The following INO80E variants were observed in gnomAD, a reference collection of about 807,000 sequenced individuals.
INO80E encodes coiled-coil domain containing 95.
INO80E carries 20 observed loss-of-function variants against 27.3 expected under a neutral mutation model. The ratio of observed to expected loss-of-function variants is 0.73; its 90% confidence interval spans 0.51 to 1.06. The LOEUF is 1.06. Ranked by LOEUF, INO80E falls within the 50% of genes least tolerant of loss-of-function variation. The probability of loss-of-function intolerance (pLI) is 0.00; values close to 1 mark genes in which losing one functional copy is unlikely to be tolerated. For missense variants in INO80E, 357 were observed against 322.8 expected, an observed-to-expected ratio of 1.11 and a Z score of -0.81; for synonymous variants, 167 against 145.9, an observed-to-expected ratio of 1.14 and a Z score of -1.04.
At chr16:29,999,113 G>A (rs554110970) in intron 3 of INO80E, among the ~76,000 whole-genome samples, 3 of 152,280 alleles carry the variant, frequency 2.0e-5, no homozygotes, top group East Asian at 1.9e-4. Context: ...GTTTTAGGAC[G>A]TAGTGTTTTG....
chr16:29,996,693 C>A (rs2150920170), intron 2 of INO80E, 76 bp downstream of exon 2: 1 of 1,584,644 alleles, frequency 6.3e-7, no homozygotes, highest in East Asian at 2.2e-5. Context: ...CCGAGTAGGG[C>A]CACAAGTGCA....
rs1388637509 is a variant in INO80E at position 30,005,253 on chromosome 16, A to G, written c.546A>G (p.Gly182=). The G allele has an allele frequency of 2.8e-6, 4 of 1,424,620 alleles. No individual in the cohort carries two copies. The highest frequency in any genetic ancestry group is 3.7e-6 in the Non-Finnish European group (4 of 1,089,054). 88.2% of individuals were successfully genotyped at this position (1,424,620 alleles called of 1,614,324 possible). A position where few individuals can be genotyped will look rare whatever the true frequency, so the allele number is the denominator to read the frequency against. The change falls in exon 7 of 7, where the codon GGA becomes GGG. Residue 182 remains glycine (G), a synonymous_variant. Coordinates refer to ENST00000563197, the MANE Select transcript of INO80E (RefSeq NM_173618.3). ...TGGGACCCCCCGACTGCCCTGTGGG[A>G]GGGCCGCTGACCTTCCCTGGCCGGG... The part of the protein sequence containing the change: ...MAVGPPDCPV[G]GPLTFPGRGS...
chr16:29,996,609 G>A lies in INO80E; in HGVS notation c.144G>A (p.Arg48=), dbSNP rs2070126336. 1.3e-6 allele frequency: 2 copies of A among 1,580,336 alleles called. No homozygotes were observed. The highest frequency in any genetic ancestry group is 1.3e-5 in the African/African-American group (1 of 74,388). Residue 48 remains arginine (R), a synonymous_variant, in exon 2 of 7, where the codon CGG becomes CGA. Coordinates refer to ENST00000563197, the MANE Select transcript of INO80E (RefSeq NM_173618.3). The part of the protein sequence containing the change: ...KAQRKLLKVS[R]DKSFLLDRLL... ...AAAGGAAATTACTGAAGGTGTCCCG[G>A]GACAAGAGGTGAGGCACGTTGCAGG...
At chr16:30,004,215 C>G (rs1465044388) in intron 6 of INO80E, 1 of 152,438 alleles carries the variant, frequency 6.6e-6, no homozygotes, top group Non-Finnish European at 1.5e-5. Context: ...GCCTCCTCTG[C>G]TGGCACGTGA....
At chr16:29,997,893 C>G (rs1290986314) in intron 3 of INO80E, among the ~76,000 whole-genome samples, 3 of 151,992 alleles carry the variant, frequency 2.0e-5, no homozygotes, top group Non-Finnish European at 2.9e-5. Flanking sequence ...GCCTTCCATC[C>G]TGGGCAACAT....
In INO80E at chr16:30,003,575, C is replaced by T. The variant is rs1424944150; in HGVS notation, c.514-1646C>T. On this transcript the variant is annotated intron_variant, in intron 6 of 6. Transcript: ENST00000563197. This position sits in a 1 kb window ranked among gnomAD's most constrained non-coding sequence, Gnocchi z 4.4. ...GGACTTGGCCAGCTTTGAATCCCAGCTCTTCCAGTGCTCACCATGCGACCT... is the reference window on the plus strand; with the variant it reads ...GGACTTGGCCAGCTTTGAATCCCAGTTCTTCCAGTGCTCACCATGCGACCT... 1 of 152,244 alleles carries T rather than the reference C, an allele frequency of 6.6e-6. No homozygotes were observed. Among genetic ancestry groups the T allele is most frequent in the African/African-American group, 2.4e-5 (1 of 41,424 alleles). 9.4% of individuals were successfully genotyped at this position (152,244 alleles called of 1,614,324 possible).
intron 3 of INO80E, among the ~76,000 whole-genome samples, chr16:29,997,708 C>T (rs191164157): frequency 6.6e-6 from 1 of 150,566 alleles, no homozygotes; most frequent in Non-Finnish European, 1.5e-5. Context: ...GAGCCGAGAT[C>T]GCTGCCACTG....
At chr16:30,004,470 A>T (rs1481405030) in intron 6 of INO80E, 3 of 152,894 alleles carry the variant, frequency 2.0e-5, no homozygotes, top group Non-Finnish European at 2.9e-5. Flanking sequence ...CAAATAGAGC[A>T]GGATGCCCAG....
intron 5 of INO80E, 121 bp from the exon 6 acceptor site, chr16:30,001,293 C>A: frequency 2.0e-6 from 3 of 1,492,998 alleles, no homozygotes; most frequent in Admixed American, 2.2e-5. Context: ...CTCGGGAGCC[C>A]CGGGAGCCGC....
Position 30,001,470 on chromosome 16 carries a change from C to G in INO80E, c.453C>G (p.Pro151=), listed in dbSNP as rs374359168. 5.6e-6 allele frequency: 9 copies of G among 1,612,922 alleles called. No individual in the cohort carries two copies. The highest frequency in any genetic ancestry group is 1.6e-4 in the Middle Eastern group (1 of 6,076). ...FPSDYLALQL[P]EPSPLRPKRE... ...CTGACTACCTGGCCCTGCAGCTGCC[C>G]GAGCCCAGTCCCCTGAGGCCCAAGC... is the stretch of plus-strand genomic sequence containing the variant. The change falls in exon 6 of 7, where the codon CCC becomes CCG. Residue 151 remains proline (P), a synonymous_variant. Transcript: ENST00000563197.
chr16:30,002,319 G>A (rs1433468755), intron 6 of INO80E: 1 of 152,530 alleles, frequency 6.6e-6, no homozygotes, highest in Non-Finnish European at 1.5e-5. Flanking sequence ...GAGCTCATGA[G>A]GTGCCAGTGT....
intron 6 of INO80E, chr16:30,001,804 C>A: frequency 2.3e-6 from 1 of 438,848 alleles, no homozygotes; most frequent in Non-Finnish European, 4.1e-6. Flanking sequence ...CTCATTTTCC[C>A]AGGGGGGCGT....
At chr16:29,998,567 T>A (rs2150925761) in intron 3 of INO80E, among the ~76,000 whole-genome samples, 1 of 152,350 alleles carries the variant, frequency 6.6e-6, no homozygotes, top group Non-Finnish European at 1.5e-5. Context: ...CCTGACACTT[T>A]TTAGACTGCT....
At chr16:30,002,338 C>G (rs977135387) in intron 6 of INO80E, 1 of 152,522 alleles carries the variant, frequency 6.6e-6, no homozygotes, top group Non-Finnish European at 1.5e-5. Context: ...GTGCAGGATT[C>G]GCTGTGAATG....
At chr16:29,998,039 C>T (rs114447426) in intron 3 of INO80E, among the ~76,000 whole-genome samples, 1,570 of 152,146 alleles carry the variant, frequency 0.01, 19 homozygotes, top group African/African-American at 0.035. Flanking sequence ...ATGATAGCAC[C>T]GCTGTGCTCC....
Position 29,996,828 on chromosome 16 carries a change from T to TA in INO80E, c.173_174insA (p.Gln59AlafsTer7). 1.5e-5 allele frequency: 24 copies of TA among 1,614,194 alleles called. No individual in the cohort carries two copies. Among genetic ancestry groups the TA allele is most frequent in the Non-Finnish European group, 2.0e-5 (24 of 1,180,018 alleles). On this transcript the variant is annotated frameshift_variant, in exon 3 of 7. Transcript: ENST00000563197. LOFTEE classifies it high-confidence loss of function. ...CTCAGTTTCCTCCTAGACCGACTTC[T>TA]GCAGTACGAGAACGTGGATGAAGAC...
Position 29,996,885 on chromosome 16 carries a change from T to C in INO80E, c.205+25T>C, listed in dbSNP as rs772343501. On this transcript the variant is annotated intron_variant, in intron 3 of 6. Coordinates refer to ENST00000563197, the MANE Select transcript of INO80E (RefSeq NM_173618.3). ...GGTGAGCAAGGTCTTCAAAAATTGG[T>C]GGAGAGCATGGTTCCTGGTACTTAG... 3 of 1,611,062 alleles carry C rather than the reference T, an allele frequency of 1.9e-6. No homozygotes were observed. In the East Asian group the frequency reaches 6.7e-5, roughly 36 times the overall value.
chr16:30,001,328 T>A, intron 5 of INO80E, 86 bp from the exon 6 acceptor site: 1 of 1,509,492 alleles, frequency 6.6e-7, no homozygotes, highest in South Asian at 1.3e-5. Flanking sequence ...CTTTTGTTTT[T>A]CCATCCTCCT....
chr16:29,999,862 G>A (rs2070283095), intron 3 of INO80E, among the ~76,000 whole-genome samples: 1 of 152,164 alleles, frequency 6.6e-6, no homozygotes, highest in Non-Finnish European at 1.5e-5. Context: ...TGGGTGGCAC[G>A]GTGAGGTGAG....
Sources: allele counts gnomAD v4.1 joint callset (sites outside exome capture counted in the v4.1 genomes callset), GRCh38; gene constraint gnomAD v4.1.1; non-coding constraint Gnocchi (gnomAD v3.1); transcripts MANE v1.5; gene names NCBI Gene and HGNC (gene_info 2026-07-23, HGNC 2026-07-21).